The following CDK5RAP2 variants were observed in gnomAD, a reference collection of about 807,000 sequenced individuals.
The protein encoded by CDK5RAP2 is CDK5 regulatory subunit-associated protein 2.
Under a neutral mutation model 232.9 loss-of-function variants are expected in CDK5RAP2, and 147 were observed. The ratio of observed to expected loss-of-function variants is 0.63; its 90% CI spans 0.55 to 0.72. The LOEUF (loss-of-function observed/expected upper bound fraction) is 0.72. Ranked by LOEUF, CDK5RAP2 falls within the 30% of genes least tolerant of loss-of-function variation. The pLI, the probability that CDK5RAP2 is intolerant of heterozygous loss-of-function variation, is 0.00. For missense variants in CDK5RAP2, 2,195 were observed against 2,231.5 expected (o/e 0.98, Z 0.33); for synonymous variants, 833 against 833.7 (o/e 1.00, Z 0.01).
intron 3 of CDK5RAP2, among the ~76,000 whole-genome samples, chr9:120,566,549 A>G (rs990017934): frequency 2.6e-5 from 4 of 152,254 alleles, no homozygotes; most frequent in Non-Finnish European, 5.9e-5. Context: ...AATTATAACA[A>G]TAACAGTAAG....
At chr9:120,507,931 AAAAAAAAAAAAATATATAT>A (rs1337019556) in intron 12 of CDK5RAP2, among the ~76,000 whole-genome samples, 102 of 73,300 alleles carry the variant, frequency 1.4e-3, no homozygotes, top group African/African-American at 4.3e-3. Flanking sequence ...AAAAAAAAAA[AAAAAAAAAAAAATATATAT>A]ATATATATAT....
chr9:120,496,237 C>T (rs1347493965), intron 12 of CDK5RAP2, among the ~76,000 whole-genome samples: 82 of 116,294 alleles, frequency 7.1e-4, no homozygotes, highest in Non-Finnish European at 1.1e-3. Flanking sequence ...CCAGCCGCCC[C>T]GTCTGGGAGG....
In CDK5RAP2 at chr9:120,403,975, G is replaced by C; in HGVS notation, c.5041+61C>G. On this transcript the variant is annotated intron_variant, in intron 33 of 37. Transcript: ENST00000349780. This position sits in a 1 kb window ranked among gnomAD's most constrained non-coding sequence, Gnocchi z 4.2. ...GACCAGGGACCCCCCTTTTCTGCAA[G>C]TTAAAAAGTCTTACTGTCACATCCA... The C allele has an allele frequency of 8.4e-7, 1 of 1,190,612 alleles. No individual in the cohort carries two copies. The highest frequency in any genetic ancestry group is 1.2e-5 in the South Asian group (1 of 82,440). 73.8% of individuals were successfully genotyped at this position (1,190,612 alleles called of 1,614,324 possible).
At chr9:120,397,553 AAAAAAAAAAAAAG>A (rs1468436702) in intron 35 of CDK5RAP2, among the ~76,000 whole-genome samples, 18 of 142,006 alleles carry the variant, frequency 1.3e-4, no homozygotes, top group African/African-American at 2.5e-4. Context: ...TTAAAAAAAA[AAAAAAAAAAAAAG>A]AAAAAAGAAA....
intron 20 of CDK5RAP2, among the ~76,000 whole-genome samples, chr9:120,454,429 T>C (rs1320327567): frequency 6.6e-6 from 1 of 152,256 alleles, no homozygotes; most frequent in Non-Finnish European, 1.5e-5. Flanking sequence ...GCTCTGAAGA[T>C]GGATACAAAT....
At chr9:120,478,931 T>C (rs1344849138) in intron 14 of CDK5RAP2, among the ~76,000 whole-genome samples, 3 of 152,244 alleles carry the variant, frequency 2.0e-5, no homozygotes, top group African/African-American at 7.2e-5. Context: ...TCACAATGTA[T>C]ATATATATCC....
intron 12 of CDK5RAP2, among the ~76,000 whole-genome samples, chr9:120,514,636 G>A (rs1379174102): frequency 1.3e-5 from 2 of 152,194 alleles, no homozygotes; most frequent in Non-Finnish European, 2.9e-5. Context: ...TAGTGTTCCA[G>A]TGCCCCGTCC....
intron 34 of CDK5RAP2, 28 bp from the exon 35 acceptor site, chr9:120,400,913 G>A (rs750087275): frequency 1.3e-5 from 21 of 1,613,548 alleles, no homozygotes; most frequent in Admixed American, 8.3e-5. Flanking sequence ...AGGCTGTTAC[G>A]TGCAGTCTTG....
rs2038113651 is a variant in CDK5RAP2, at chr9:120,478,085, AT to A, written c.1627-636del. Among the ~76,000 whole-genome samples the A allele has an allele frequency of 3.3e-5, 5 of 152,316 alleles. No homozygotes were observed. In the South Asian group the frequency reaches 1.0e-3, roughly 32 times the overall value. On this transcript the variant is annotated intron_variant, in intron 14 of 37. Transcript: ENST00000349780. The stretch of plus-strand genomic sequence containing the variant: ...ACATTCACAAATGTGAAATTTTTTA[AT>A]GTTCAAAATTTGGTTCTGCCACCTA...
intron 19 of CDK5RAP2, among the ~76,000 whole-genome samples, chr9:120,458,913 T>C (rs1441732638): frequency 6.6e-6 from 1 of 152,144 alleles, no homozygotes; most frequent in Non-Finnish European, 1.5e-5. Flanking sequence ...GGGGTAGTAA[T>C]GGTACCTCCC....
chr9:120,456,460 G>A (rs963003512), intron 20 of CDK5RAP2, among the ~76,000 whole-genome samples: 1 of 152,122 alleles, frequency 6.6e-6, no homozygotes, highest in African/African-American at 2.4e-5. Flanking sequence ...GGAGAGAGAA[G>A]GCCCTCTGCA....
intron 10 of CDK5RAP2, among the ~76,000 whole-genome samples, chr9:120,526,950 T>C (rs2040925970): frequency 6.6e-6 from 1 of 151,956 alleles, no homozygotes; most frequent in Non-Finnish European, 1.5e-5. Context: ...TCAGGCACCT[T>C]CTCCTCTAAG....
intron 27 of CDK5RAP2, among the ~76,000 whole-genome samples, chr9:120,416,750 A>G (rs2034246391): frequency 6.6e-6 from 1 of 152,192 alleles, no homozygotes; most frequent in African/African-American, 2.4e-5. Context: ...AGGCAAAACT[A>G]ATGTCTTTAA....
At chr9:120,567,193 C>T (rs1453601843) in intron 3 of CDK5RAP2, among the ~76,000 whole-genome samples, 2 of 152,212 alleles carry the variant, frequency 1.3e-5, no homozygotes, top group African/African-American at 4.8e-5. Flanking sequence ...CCAGACCCCA[C>T]AGCATAGATC....
chr9:120,446,260 C>CT lies in CDK5RAP2; in HGVS notation c.3025+1634dup, dbSNP rs376560465. On this transcript the variant is annotated intron_variant, in intron 22 of 37. Transcript: ENST00000349780. ...ACAGGCTGTGGTTTGTCAACTCCTA[C>CT]TTTTTTTTTTTGAGATGGAGTTTCG... Among the ~76,000 whole-genome samples, 222 of 148,144 alleles carry CT rather than the reference C, an allele frequency of 1.5e-3. 1 individual carries two copies. Among genetic ancestry groups the CT allele is most frequent in the African/African-American group, 4.4e-3 (178 of 40,712 alleles).
chr9:120,573,653 A>C (rs1207841449), intron 1 of CDK5RAP2, among the ~76,000 whole-genome samples: 1 of 152,232 alleles, frequency 6.6e-6, no homozygotes, highest in East Asian at 1.9e-4. Context: ...TACAGTACAT[A>C]AATACTGAAG....
At chr9:120,405,434 A>G (rs930833945) in intron 32 of CDK5RAP2, among the ~76,000 whole-genome samples, 2 of 152,122 alleles carry the variant, frequency 1.3e-5, no homozygotes, top group African/African-American at 2.4e-5. Flanking sequence ...TGGCCTCCTC[A>G]CTTCAGCTAC....
At position 120,401,819 on chromosome 9, in the gene CDK5RAP2, A is replaced by T. The variant is rs188758842; in HGVS notation, c.5308-934T>A. 3.2e-4 allele frequency among the ~76,000 whole-genome samples: 49 copies of T among 152,054 alleles called. 1 individual carries two copies. In the East Asian group the frequency reaches 9.5e-3, roughly 29 times the overall value. The stretch of plus-strand genomic sequence containing the variant: ...CCCAGCATGGTGAAACCCCGTCTCT[A>T]CTAAAAATACAAAAATCAGCCGGGC... On this transcript the variant is annotated intron_variant, in intron 34 of 37. Coordinates refer to ENST00000349780, the MANE Select transcript of CDK5RAP2 (RefSeq NM_018249.6).
At chr9:120,525,701 C>A (rs2040869822) in intron 10 of CDK5RAP2, among the ~76,000 whole-genome samples, 1 of 152,134 alleles carries the variant, frequency 6.6e-6, no homozygotes, top group African/African-American at 2.4e-5. Context: ...ACTGCAGCCT[C>A]AACTCCCCAC....
Sources: allele counts gnomAD v4.1 joint callset (sites outside exome capture counted in the v4.1 genomes callset), GRCh38; gene constraint gnomAD v4.1.1; non-coding constraint Gnocchi (gnomAD v3.1); transcripts MANE v1.5; gene names NCBI Gene and HGNC (gene_info 2026-07-23, HGNC 2026-07-21).